The following FYB1 variants were observed in gnomAD, a reference collection of about 807,000 sequenced individuals.
The protein encoded by FYB1 is FYN binding protein 1.
In FYB1, 41 loss-of-function variants were observed where a neutral mutation model predicts 94.1. The observed-to-expected ratio is 0.44, with a 90% CI of 0.34 to 0.57. The LOEUF (loss-of-function observed/expected upper bound fraction) is 0.57, where lower values mean the gene tolerates loss of function less well. Among genes scored for constraint, FYB1 ranks in the 20% least tolerant of loss-of-function variants. FYB1 has a pLI of 0.02. For missense variants in FYB1, 1,050 were observed against 976.8 expected (o/e 1.07, Z -1.00); for synonymous variants, 367 against 353.2 (o/e 1.04, Z -0.44).
At chr5:39,125,921 A>G (rs1740618997) in intron 12 of FYB1, 77 bp downstream of exon 12, 1 of 1,421,052 alleles carries the variant, frequency 7.0e-7, no homozygotes, top group Non-Finnish European at 9.6e-7. Context: ...GTTATTGGTT[A>G]TAGAATATTA....
At chr5:39,169,156 A>C in intron 2 of FYB1, 1 of 747,680 alleles carries the variant, frequency 1.3e-6, no homozygotes. Flanking sequence ...GCCTTCTTGC[A>C]GATCCCAAGT....
chr5:39,158,457 G>A (rs1397474200), intron 2 of FYB1, among the ~76,000 whole-genome samples: 1 of 152,196 alleles, frequency 6.6e-6, no homozygotes, highest in Non-Finnish European at 1.5e-5. Context: ...AAACAGAAAA[G>A]TGGATTTGAG....
chr5:39,264,646 C>G (rs1290464547), intron 1 of FYB1, among the ~76,000 whole-genome samples: 1 of 152,164 alleles, frequency 6.6e-6, no homozygotes, highest in Non-Finnish European at 1.5e-5. Flanking sequence ...GCTTTCTACC[C>G]CCATTTACCC....
chr5:39,161,438 T>C (rs1020664626), intron 2 of FYB1, among the ~76,000 whole-genome samples: 1 of 152,124 alleles, frequency 6.6e-6, no homozygotes, highest in African/African-American at 2.4e-5. Flanking sequence ...AAGACAACAG[T>C]TGTTACTAGT....
chr5:39,216,551 G>A (rs897381247), intron 1 of FYB1, among the ~76,000 whole-genome samples: 1 of 152,042 alleles, frequency 6.6e-6, no homozygotes, highest in Non-Finnish European at 1.5e-5. Context: ...TTATCATGAT[G>A]CTCTCTCTCC....
At chr5:39,260,802 GT>G (rs1485520160) in intron 1 of FYB1, among the ~76,000 whole-genome samples, 1 of 152,080 alleles carries the variant, frequency 6.6e-6, no homozygotes, top group Non-Finnish European at 1.5e-5. Context: ...AATTGTTGAT[GT>G]TCTTTGACAT....
At chr5:39,249,498 C>A (rs1436748751) in intron 1 of FYB1, among the ~76,000 whole-genome samples, 1 of 152,078 alleles carries the variant, frequency 6.6e-6, no homozygotes, top group Non-Finnish European at 1.5e-5. Context: ...TGCACTTGGC[C>A]TTTAGGAGCT....
chr5:39,135,122 A>G (rs1741568356), intron 7 of FYB1, 108 bp from the exon 8 acceptor site: 2 of 1,192,036 alleles, frequency 1.7e-6, no homozygotes, highest in Non-Finnish European at 2.4e-6. Flanking sequence ...GCTACCTATA[A>G]CCAACATTTA....
chr5:39,108,282 T>A lies in FYB1; in HGVS notation c.2436-20A>T, dbSNP rs764968557. 685 of 1,504,808 alleles carry A rather than the reference T, an allele frequency of 4.6e-4. No homozygotes were observed. Among genetic ancestry groups the A allele is most frequent in the Admixed American group, 5.3e-4 (26 of 48,874 alleles). 93.2% of individuals were successfully genotyped at this position (1,504,808 alleles called of 1,614,324 possible). A position where few individuals can be genotyped will look rare whatever the true frequency, so the allele number is the denominator to read the frequency against. ...CCATCACTGTAAATGTAAAAAAAAATTTTTATTTTAAAGAAACTATGTTCT... is the reference window on the plus strand; with the variant it reads ...CCATCACTGTAAATGTAAAAAAAAAATTTTATTTTAAAGAAACTATGTTCT... On this transcript the variant is annotated intron_variant, in intron 17 of 18. Coordinates refer to ENST00000512982, the MANE Select transcript of FYB1 (RefSeq NM_001465.6).
intron 3 of FYB1, among the ~76,000 whole-genome samples, chr5:39,151,774 G>A (rs879330991): frequency 2.0e-5 from 3 of 152,210 alleles, no homozygotes; most frequent in Admixed American, 6.5e-5. Context: ...ATTAGAAAAG[G>A]GAGGAACGTT....
At chr5:39,187,865 T>C (rs1746985109) in intron 2 of FYB1, among the ~76,000 whole-genome samples, 1 of 151,994 alleles carries the variant, frequency 6.6e-6, no homozygotes, top group Non-Finnish European at 1.5e-5. Context: ...TAATGAATAG[T>C]AATTATATGT....
At chr5:39,147,265 A>G (rs1293967841) in intron 3 of FYB1, among the ~76,000 whole-genome samples, 1 of 151,692 alleles carries the variant, frequency 6.6e-6, no homozygotes, top group Non-Finnish European at 1.5e-5. Flanking sequence ...TGACCTCTAT[A>G]CTTTTCTTTT....
chr5:39,268,661 G>C (rs1335770370), intron 1 of FYB1, among the ~76,000 whole-genome samples: 1 of 152,078 alleles, frequency 6.6e-6, no homozygotes, highest in Non-Finnish European at 1.5e-5. Flanking sequence ...CCGTCTCCCA[G>C]GTTCAAGCGA....
At chr5:39,185,285 T>G (rs1746643869) in intron 2 of FYB1, among the ~76,000 whole-genome samples, 2 of 152,222 alleles carry the variant, frequency 1.3e-5, no homozygotes, top group African/African-American at 4.8e-5. Context: ...TGAGGATGAT[T>G]GAATTTTTCA....
chr5:39,171,245 G>A (rs182193455), intron 2 of FYB1, among the ~76,000 whole-genome samples: 14 of 151,950 alleles, frequency 9.2e-5, no homozygotes, highest in Admixed American at 5.9e-4. Flanking sequence ...AGCCGAGATC[G>A]TGCCACTGCT....
At chr5:39,257,969 A>T (rs6897976) in intron 1 of FYB1, among the ~76,000 whole-genome samples, 1,568 of 152,170 alleles carry the variant, frequency 0.01, 18 homozygotes, top group African/African-American at 0.035. Context: ...TGGGTTTGGG[A>T]GATCTCAAAC....
At chr5:39,145,981 T>C (rs931627209) in intron 3 of FYB1, among the ~76,000 whole-genome samples, 3 of 151,606 alleles carry the variant, frequency 2.0e-5, no homozygotes, top group African/African-American at 7.3e-5. Flanking sequence ...GGTGCAAACG[T>C]GGCTCGCTGC....
intron 1 of FYB1, among the ~76,000 whole-genome samples, chr5:39,254,229 T>C (rs1399527408): frequency 2.6e-5 from 4 of 152,214 alleles, no homozygotes; most frequent in African/African-American, 9.6e-5. Flanking sequence ...GATTGCTGAG[T>C]TGAATGGTAT....
chr5:39,195,178 G>C (rs915529060), intron 2 of FYB1, among the ~76,000 whole-genome samples: 1 of 152,078 alleles, frequency 6.6e-6, no homozygotes, highest in Non-Finnish European at 1.5e-5. Context: ...ATGTTCTTAC[G>C]TTCCCAGTGC....
Sources: allele counts gnomAD v4.1 joint callset (sites outside exome capture counted in the v4.1 genomes callset), GRCh38; gene constraint gnomAD v4.1.1; transcripts MANE v1.5; gene names NCBI Gene and HGNC (gene_info 2026-07-23, HGNC 2026-07-21).